Variants in MPHOSPH6 observed in about 807,000 individuals in gnomAD.
MPHOSPH6 encodes M-phase phosphoprotein 6.
Under a neutral mutation model 21.8 loss-of-function variants are expected in MPHOSPH6, and 25 were observed. The observed-to-expected ratio is 1.15, with a 90% CI of 0.83 to 1.60. MPHOSPH6 has a LOEUF of 1.60. Among genes scored for constraint, MPHOSPH6 ranks in the 40% most tolerant of loss-of-function variants. MPHOSPH6 has a pLI of 0.00. For missense variants in MPHOSPH6, 269 were observed against 181.8 expected (o/e 1.48, Z -2.76); for synonymous variants, 84 against 56.5 (o/e 1.49, Z -2.18).
intron 1 of MPHOSPH6, among the ~76,000 whole-genome samples, chr16:82,169,121 T>C (rs958189015): frequency 3.3e-5 from 5 of 152,214 alleles, no homozygotes; most frequent in Admixed American, 1.3e-4. Flanking sequence ...CTATAAATAT[T>C]TGCCATTTTC....
intron 2 of MPHOSPH6, among the ~76,000 whole-genome samples, chr16:82,162,550 C>G (rs1597164062): frequency 1.3e-5 from 2 of 152,308 alleles, no homozygotes; most frequent in South Asian, 4.1e-4. Flanking sequence ...GGTGCTCTCT[C>G]TACACAACTT....
chr16:82,166,226 T>C (rs12599946), intron 1 of MPHOSPH6, among the ~76,000 whole-genome samples: 99,166 of 152,142 alleles, frequency 0.65, 34,438 homozygotes, highest in East Asian at 0.78. Flanking sequence ...CTATTTTAAG[T>C]AAAAAGTAAA....
rs775851089 is a variant in MPHOSPH6 at position 82,148,658 on chromosome 16, C to G, written c.*73G>C. On this transcript the variant is annotated 3_prime_UTR_variant, in exon 5 of 5. Coordinates refer to ENST00000258169, the MANE Select transcript of MPHOSPH6 (RefSeq NM_005792.2). ...TACAGTATTAATAACTATAGAGACACCATTGGGATGAGCTCCAGATGCCCT... is the reference window on the plus strand; with the variant it reads ...TACAGTATTAATAACTATAGAGACAGCATTGGGATGAGCTCCAGATGCCCT... The G allele has an allele frequency of 9.0e-6, 14 of 1,547,824 alleles. No individual in the cohort carries two copies. The highest frequency in any genetic ancestry group is 1.2e-5 in the Non-Finnish European group (14 of 1,138,758).
At chr16:82,157,242 C>T (rs1906457414) in intron 2 of MPHOSPH6, among the ~76,000 whole-genome samples, 2 of 152,138 alleles carry the variant, frequency 1.3e-5, no homozygotes, top group African/African-American at 2.4e-5. Flanking sequence ...TGTTATAACA[C>T]TTCTCTATTA....
Position 82,164,108 on chromosome 16 carries a change from C to A in MPHOSPH6, c.138G>T (p.Leu46Phe). 6.2e-7 allele frequency: 1 copy of A among 1,612,688 alleles called. No homozygotes were observed. Among genetic ancestry groups the A allele is most frequent in the Non-Finnish European group, 8.5e-7 (1 of 1,179,538 alleles). Residue 46 changes from leucine (L) to phenylalanine (F), a missense_variant, in exon 2 of 5, where the codon TTG becomes TTT. By Grantham distance (22) the Leu-to-Phe change is conservative. Transcript: ENST00000258169. Reference sequence around the variant, plus strand: ...CTTTCTCTTTAAGCTCTGGCAAATCCAAGTACCAGTGCTCTTCACTAATGA... The same window carrying A: ...CTTTCTCTTTAAGCTCTGGCAAATCAAAGTACCAGTGCTCTTCACTAATGA... ...KKIISEEHWY[L>F]DLPELKEKES...
chr16:82,169,523 G>C (rs1304563484), intron 1 of MPHOSPH6, among the ~76,000 whole-genome samples: 1 of 152,128 alleles, frequency 6.6e-6, no homozygotes, highest in East Asian at 1.9e-4. Flanking sequence ...GCAGATTTTA[G>C]ACTTGCATCT....
intron 4 of MPHOSPH6, 24 bp downstream of exon 4, chr16:82,149,285 A>G (rs745436977): frequency 1.2e-6 from 2 of 1,605,832 alleles, no homozygotes; most frequent in South Asian, 2.2e-5. Context: ...TCCAGATTAG[A>G]AGGCTGCTGC....
At chr16:82,168,276 G>A (rs1340997531) in intron 1 of MPHOSPH6, among the ~76,000 whole-genome samples, 1 of 152,166 alleles carries the variant, frequency 6.6e-6, no homozygotes, top group East Asian at 1.9e-4. Context: ...CCACTTCTCT[G>A]AAGTTAATGT....
At chr16:82,165,140 T>TTTTTTTG in intron 1 of MPHOSPH6, among the ~76,000 whole-genome samples, 1 of 130,558 alleles carries the variant, frequency 7.7e-6, no homozygotes, top group African/African-American at 3.0e-5. Flanking sequence ...TTTATTTTTT[T>TTTTTTTG]TTTTTGAGAC....
intron 2 of MPHOSPH6, among the ~76,000 whole-genome samples, chr16:82,159,010 A>G (rs934495271): frequency 6.6e-6 from 1 of 152,234 alleles, no homozygotes; most frequent in Admixed American, 6.5e-5. Flanking sequence ...TTCAGATTCC[A>G]CGTTGCAATT....
At chr16:82,150,287 A>G (rs1597158667) in intron 3 of MPHOSPH6, among the ~76,000 whole-genome samples, 1 of 150,858 alleles carries the variant, frequency 6.6e-6, no homozygotes. Flanking sequence ...TCCAAACCCT[A>G]CTCTTTGAAT....
chr16:82,161,017 T>TA (rs1438556753), intron 2 of MPHOSPH6, among the ~76,000 whole-genome samples: 1 of 151,840 alleles, frequency 6.6e-6, no homozygotes. Flanking sequence ...CTTGCTAAGT[T>TA]TCTCCTGGCT....
At chr16:82,156,305 G>A (rs560600754) in intron 2 of MPHOSPH6, among the ~76,000 whole-genome samples, 1 of 152,210 alleles carries the variant, frequency 6.6e-6, no homozygotes, top group East Asian at 1.9e-4. Context: ...TTAATGATGT[G>A]CATGCTGCAA....
intron 3 of MPHOSPH6, 31 bp from the exon 4 acceptor site, chr16:82,149,434 C>T: frequency 6.3e-7 from 1 of 1,589,252 alleles, no homozygotes; most frequent in Non-Finnish European, 8.6e-7. Flanking sequence ...GACCTTCAGG[C>T]TAGAAAACGC....
At chr16:82,170,049 G>T in intron 1 of MPHOSPH6, 76 bp downstream of exon 1, 1 of 1,493,774 alleles carries the variant, frequency 6.7e-7, no homozygotes, top group Non-Finnish European at 9.0e-7. Flanking sequence ...TTGTCCGCCC[G>T]CCGCCTCGGC....
At chr16:82,149,790 G>A (rs1171106284) in intron 3 of MPHOSPH6, among the ~76,000 whole-genome samples, 3 of 152,060 alleles carry the variant, frequency 2.0e-5, no homozygotes, top group Non-Finnish European at 4.4e-5. Flanking sequence ...AGAAACACTA[G>A]TCGTCAGTAA....
Position 82,170,111 on chromosome 16 carries a change from C to A in MPHOSPH6, c.51+14G>T. ...CCCCTACCGCCCGGAGTGGCGCTCTCAGCGTCCCCGCACCTTCATGCGCAG... is the reference window on the plus strand; with the variant it reads ...CCCCTACCGCCCGGAGTGGCGCTCTAAGCGTCCCCGCACCTTCATGCGCAG... On this transcript the variant is annotated intron_variant, in intron 1 of 4. Transcript: ENST00000258169. The A allele has an allele frequency of 6.3e-7, 1 of 1,588,684 alleles. No homozygotes were observed. Among genetic ancestry groups the A allele is most frequent in the East Asian group, 2.4e-5 (1 of 42,088 alleles).
intron 2 of MPHOSPH6, among the ~76,000 whole-genome samples, chr16:82,157,842 T>G (rs73591443): frequency 0.19 from 29,075 of 152,176 alleles, 3,030 homozygotes; most frequent in South Asian, 0.32. Flanking sequence ...GAATCTAACC[T>G]GCCTGAGAAA....
At chr16:82,150,300 C>T (rs959379624) in intron 3 of MPHOSPH6, among the ~76,000 whole-genome samples, 10 of 151,982 alleles carry the variant, frequency 6.6e-5, no homozygotes. Context: ...CTTTGAATAC[C>T]ACATCTTCAT....
Sources: gnomAD v4.1 joint callset for allele counts (sites outside exome capture counted in the v4.1 genomes callset) on GRCh38, gnomAD v4.1.1 for gene constraint, MANE v1.5 for transcripts, NCBI Gene and HGNC (gene_info 2026-07-23, HGNC 2026-07-21) for gene names.